LLGL1: variants seen among roughly 807,000 people sequenced by gnomAD.
LLGL1 encodes the protein lethal(2) giant larvae protein homolog 1.
LLGL1 carries 58 observed loss-of-function variants against 110.6 expected under a neutral mutation model. The ratio of observed to expected loss-of-function variants is 0.52; its 90% CI spans 0.42 to 0.65. LLGL1 has a LOEUF of 0.65. Among genes scored for constraint, LLGL1 ranks in the 30% least tolerant of loss-of-function variants. LLGL1 has a pLI of 0.00. For synonymous variants in LLGL1, 674 were observed against 607.2 expected (o/e 1.11, Z -1.62); for missense variants, 1,229 against 1,462.1 (o/e 0.84, Z 2.60).
intron 13 of LLGL1, 143 bp downstream of exon 13, chr17:18,237,082 G>T (rs1052702712): frequency 2.8e-6 from 2 of 711,426 alleles, no homozygotes; most frequent in Non-Finnish European, 4.7e-6. Context: ...GCTGGCTGGG[G>T]TGAGGACAGA....
At chr17:18,243,097 TTTG>T (rs1206116833) in intron 22 of LLGL1, among the ~76,000 whole-genome samples, 5 of 90,588 alleles carry the variant, frequency 5.5e-5, no homozygotes, top group Non-Finnish European at 1.3e-4. Flanking sequence ...CCAGATTTGT[TTTG>T]TTTTGTTTTG....
chr17:18,237,570 A>T lies in LLGL1; in HGVS notation c.1701A>T (p.Thr567=). ...IDLLQDREGF[T]WKGHERLSPR... ...TCCTCCAGGACCGCGAGGGCTTCAC[A>T]TGGAAGGGCCACGAGCGGCTGAGCC... The change falls in exon 14 of 23, where the codon ACA becomes ACT. Residue 567 remains threonine, a synonymous_variant. Transcript: ENST00000316843. 1 of 1,610,094 alleles carries T rather than the reference A, an allele frequency of 6.2e-7. No homozygotes were observed.
intron 13 of LLGL1, 108 bp downstream of exon 13, chr17:18,237,047 A>C: frequency 2.1e-6 from 2 of 933,384 alleles, no homozygotes; most frequent in Non-Finnish European, 3.3e-6. Context: ...GCAAAAGCCA[A>C]GGTGGGAATA....
Position 18,234,396 on chromosome 17 carries a change from A to G in LLGL1, c.838A>G (p.Thr280Ala), listed in dbSNP as rs751840897. ...CCCAACGCTGCAGCCCACGGTAGCC[A>G]CCACACCTTACGGTGAGTGCTGGGG... Reference protein sequence around the residue: ...SFPTLQPTVATTPYGPFPCKA... With the variant: ...SFPTLQPTVAATPYGPFPCKA... Residue 280 changes from threonine (T) to alanine (A), a missense_variant, in exon 7 of 23, where the codon ACC becomes GCC. Coordinates refer to ENST00000316843, the MANE Select transcript of LLGL1 (RefSeq NM_004140.4). The G allele has an allele frequency of 6.2e-7, 1 of 1,612,702 alleles. No homozygotes were observed. The highest frequency in any genetic ancestry group is 1.1e-5 in the South Asian group (1 of 91,024).
chr17:18,243,297 C>T lies in LLGL1; in HGVS notation c.*1+475C>T, dbSNP rs371892221. The stretch of plus-strand genomic sequence containing the variant: ...TAATTTTTTGTGTTTTTAGTAGAGA[C>T]GGGGTTTCACTGTGTTAGCCAGGAT... On this transcript the variant is annotated intron_variant, in intron 22 of 22. Transcript: ENST00000316843. Among the ~76,000 whole-genome samples, 7 of 152,052 alleles carry T rather than the reference C, an allele frequency of 4.6e-5. No individual in the cohort carries two copies. In the East Asian group the frequency reaches 7.7e-4, roughly 17 times the overall value.
intron 21 of LLGL1, 24 bp from the exon 22 acceptor site, chr17:18,242,719 C>T (rs1567697918): frequency 1.3e-6 from 2 of 1,563,324 alleles, no homozygotes; most frequent in African/African-American, 2.7e-5. Flanking sequence ...GCCCCCACCC[C>T]TGAGCACCAT....
At chr17:18,241,360 T>TG in intron 17 of LLGL1, 91 bp from the exon 18 acceptor site, 2 of 1,486,158 alleles carry the variant, frequency 1.3e-6, no homozygotes, top group Non-Finnish European at 1.8e-6. Flanking sequence ...GGCTTTGTGG[T>TG]GGGGGCTGTT....
rs753745117 is a variant in LLGL1 at position 18,234,109 on chromosome 17, C to G, written c.648C>G (p.Ser216Arg). The change falls in exon 6 of 23, where the codon AGC (serine) becomes AGG (arginine). Residue 216 changes from serine (S) to arginine (R), a missense_variant. Ser to Arg is a moderately radical substitution (Grantham distance 110). Transcript: ENST00000316843. Reference protein sequence around the residue: ...RDPTKILIGYSRGLLVIWNQA... With the variant: ...RDPTKILIGYRRGLLVIWNQA... ...CCACAAAGATTCTCATTGGCTACAG[C>G]CGGGGCCTGCTGGTCATCTGGAACC... 6.2e-7 allele frequency: 1 copy of G among 1,611,880 alleles called. No homozygotes were observed. The highest frequency in any genetic ancestry group is 8.5e-7 in the Non-Finnish European group (1 of 1,178,978).
chr17:18,243,641 G>C (rs1463454488), intron 22 of LLGL1, among the ~76,000 whole-genome samples: 1 of 152,204 alleles, frequency 6.6e-6, no homozygotes, highest in Non-Finnish European at 1.5e-5. Context: ...CCTGACTGTA[G>C]GCCATAGCCT....
chr17:18,241,377 G>A, intron 17 of LLGL1, 74 bp from the exon 18 acceptor site: 1 of 1,520,710 alleles, frequency 6.6e-7, no homozygotes, highest in East Asian at 2.3e-5. Flanking sequence ...TGTTGGGTCA[G>A]CAGCCACGAG....
intron 16 of LLGL1, among the ~76,000 whole-genome samples, chr17:18,239,065 T>G (rs2047763657): frequency 6.6e-6 from 1 of 152,068 alleles, no homozygotes; most frequent in South Asian, 2.1e-4. Flanking sequence ...ACCCCCAGTC[T>G]CTCTGGGGGA....
At chr17:18,232,626 T>C in intron 3 of LLGL1, 46 bp from the exon 4 acceptor site, 1 of 1,613,896 alleles carries the variant, frequency 6.2e-7, no homozygotes, top group Non-Finnish European at 8.5e-7. Flanking sequence ...CCATATCTAC[T>C]CATCCCCCTA....
chr17:18,229,507 C>G (rs1597858567), intron 1 of LLGL1, among the ~76,000 whole-genome samples: 1 of 152,128 alleles, frequency 6.6e-6, no homozygotes, highest in East Asian at 1.9e-4. Flanking sequence ...TTGCGGGACT[C>G]CTCCGCAAGC....
intron 22 of LLGL1, among the ~76,000 whole-genome samples, chr17:18,243,354 G>A (rs113954617): frequency 0.019 from 2,822 of 152,252 alleles, 73 homozygotes; most frequent in African/African-American, 0.058. Context: ...TGATCCACCC[G>A]CCTCGGCCTC....
rs1310157362 is a variant in LLGL1 at position 18,244,417 on chromosome 17, G to C, written c.*511G>C. 1.3e-5 allele frequency: 2 copies of C among 151,512 alleles called. No individual in the cohort carries two copies. The highest frequency in any genetic ancestry group is 6.6e-5 in the Admixed American group (1 of 15,202). 9.4% of individuals were successfully genotyped at this position (151,512 alleles called of 1,614,324 possible). ...CCACCACGCCCAGCTAATTTTTTCTGTATTTTTAGTAGAGATGGGGTTTCA... is the reference window on the plus strand; with the variant it reads ...CCACCACGCCCAGCTAATTTTTTCTCTATTTTTAGTAGAGATGGGGTTTCA... On this transcript the variant is annotated 3_prime_UTR_variant, in exon 23 of 23. Transcript: ENST00000316843.
intron 11 of LLGL1, chr17:18,235,772 C>G (rs934566899): frequency 5.5e-6 from 3 of 544,838 alleles, no homozygotes; most frequent in East Asian, 3.1e-5. Flanking sequence ...CAGGGCTCCA[C>G]CCGCCCAGCC....
Position 18,236,674 on chromosome 17 carries a change from A to G in LLGL1, c.1420A>G (p.Ser474Gly). 1.9e-6 allele frequency: 3 copies of G among 1,612,890 alleles called. No homozygotes were observed. Among genetic ancestry groups the G allele is most frequent in the Non-Finnish European group, 2.5e-6 (3 of 1,179,964 alleles). Residue 474 changes from serine (S) to glycine (G), a missense_variant, in exon 12 of 23, where the codon AGC (serine) becomes GGC (glycine). By Grantham distance (56) the Ser-to-Gly change is moderately conservative (BLOSUM62 0). Coordinates refer to ENST00000316843, the MANE Select transcript of LLGL1 (RefSeq NM_004140.4). ...GVALRPLYKLSTAGLFQTDCE... is the reference protein window; with the variant it reads ...GVALRPLYKLGTAGLFQTDCE... ...GGCGCTGCGGCCGCTCTATAAGCTGAGCACAGCTGGCCTCTTCCAGACAGA... is the reference window on the plus strand; with the variant it reads ...GGCGCTGCGGCCGCTCTATAAGCTGGGCACAGCTGGCCTCTTCCAGACAGA...
Position 18,234,393 on chromosome 17 carries a change from GCCA to G in LLGL1, c.840_842del (p.Thr281del). 1 of 1,612,668 alleles carries G rather than the reference GCCA, an allele frequency of 6.2e-7. No homozygotes were observed. Among genetic ancestry groups the G allele is most frequent in the South Asian group, 1.1e-5 (1 of 91,028 alleles). On this transcript the variant is annotated inframe_deletion, in exon 7 of 23. Transcript: ENST00000316843. Reference sequence around the variant, plus strand: ...CTTCCCAACGCTGCAGCCCACGGTAGCCACCACACCTTACGGTGAGTGCTGGGG... The same window carrying G: ...CTTCCCAACGCTGCAGCCCACGGTAGCCACACCTTACGGTGAGTGCTGGGG...
rs545257018 is a variant in LLGL1 at position 18,238,735 on chromosome 17, G to A, written c.2206+126G>A. 1.1e-4 allele frequency: 102 copies of A among 951,916 alleles called. 2 individuals carry two copies. In the South Asian group the frequency reaches 1.4e-3, roughly 13 times the overall value. The allele number at this position is 951,916 out of a possible 1,614,324, so 59.0% of individuals were successfully genotyped here. ...CACCTTCCAGGAGGTGGCTGGGCAC[G>A]GTGGCTCAAGCCTGTGAGTGATCCC... On this transcript the variant is annotated intron_variant, in intron 16 of 22. Coordinates refer to ENST00000316843, the MANE Select transcript of LLGL1 (RefSeq NM_004140.4).
Sources: gnomAD v4.1 joint callset for allele counts (sites outside exome capture counted in the v4.1 genomes callset) on GRCh38, gnomAD v4.1.1 for gene constraint, MANE v1.5 for transcripts, NCBI Gene and HGNC (gene_info 2026-07-23, HGNC 2026-07-21) for gene names.